Variants in IDE observed in about 807,000 individuals in gnomAD.
The protein encoded by IDE is insulin degrading enzyme.
IDE carries 58 observed loss-of-function variants against 133.2 expected under a neutral mutation model. That is an observed-to-expected ratio of 0.44 (90% CI 0.35 to 0.54). The LOEUF (loss-of-function observed/expected upper bound fraction) is 0.54. IDE is among the 20% of genes least tolerant of loss of function. The pLI, the probability that IDE is intolerant of heterozygous loss-of-function variation, is 0.00. For missense variants in IDE, 981 were observed against 1,234.0 expected (o/e 0.79, Z 3.07); for synonymous variants, 396 against 421.3 (o/e 0.94, Z 0.73).
rs887217867 is a variant in IDE at position 92,507,520 on chromosome 10, T to C, written c.1245+55A>G. On this transcript the variant is annotated intron_variant, in intron 9 of 24. Coordinates refer to ENST00000265986, the MANE Select transcript of IDE (RefSeq NM_004969.4). ...CCTTAAATTTAAATTAATTCACATG[T>C]ATTTGCTCTTGAAAAACAGATTCCT... The C allele has an allele frequency of 1.0e-5, 9 of 869,076 alleles. No individual in the cohort carries two copies. The African/African-American group carries it at 1.5e-4, about 14-fold the overall frequency. 53.8% of individuals were successfully genotyped at this position (869,076 alleles called of 1,614,324 possible).
intron 4 of IDE, among the ~76,000 whole-genome samples, chr10:92,516,453 C>T (rs117749002): frequency 0.027 from 4,145 of 152,240 alleles, 108 homozygotes; most frequent in Non-Finnish European, 0.043. Flanking sequence ...AAGATTGTAC[C>T]ACTGCACTCC....
intron 2 of IDE, 55 bp downstream of exon 2, chr10:92,537,311 T>C: frequency 1.5e-6 from 2 of 1,359,026 alleles, no homozygotes; most frequent in Non-Finnish European, 2.0e-6. Context: ...CTAATAAATG[T>C]CAGCATTAGG....
At chr10:92,478,581 T>A in intron 15 of IDE, 1 of 958,436 alleles carries the variant, frequency 1.0e-6, no homozygotes, top group Non-Finnish European at 1.3e-6. Context: ...GTTAATAGTT[T>A]TCCCAAGCTC....
Position 92,571,379 on chromosome 10 carries a change from T to A in IDE, c.98+2543A>T, listed in dbSNP as rs973672563. On this transcript the variant is annotated intron_variant, in intron 1 of 24. Transcript: ENST00000265986. ...GGTTAAAGAAACTTCAGGGGTACCC[T>A]GTTCTTTTACACTATTAAAAGGCAT... 5.9e-5 allele frequency among the ~76,000 whole-genome samples: 9 copies of A among 152,202 alleles called. No homozygotes were observed. In the East Asian group the frequency reaches 1.7e-3, roughly 29 times the overall value.
intron 18 of IDE, among the ~76,000 whole-genome samples, chr10:92,469,335 CT>C (rs1189481128): frequency 5.3e-5 from 8 of 152,220 alleles, no homozygotes; most frequent in African/African-American, 1.9e-4. Flanking sequence ...GTAAAATGAC[CT>C]TGGTAAGAAT....
intron 4 of IDE, 53 bp from the exon 5 acceptor site, chr10:92,515,095 A>C (rs565351490): frequency 7.0e-7 from 1 of 1,435,498 alleles, no homozygotes; most frequent in African/African-American, 1.4e-5. Flanking sequence ...GTGGACTTTT[A>C]AAGTTTTGTA....
At chr10:92,529,753 T>C (rs559817922) in intron 4 of IDE, among the ~76,000 whole-genome samples, 2 of 152,272 alleles carry the variant, frequency 1.3e-5, no homozygotes, top group South Asian at 2.1e-4. Context: ...GAAGTAACAC[T>C]ACTCACCTTA....
In IDE at chr10:92,454,445, CAG is replaced by C; in HGVS notation, c.3057_3058del (p.Ter1020LysfsTer20). ...CACTTTCCCATGCATGGGGAATCTT[CAG>C]AGTTTTGCAGCCATGAAGTTAATAT... On this transcript the variant is annotated frameshift_variant and stop_lost, in exon 25 of 25. Coordinates refer to ENST00000265986, the MANE Select transcript of IDE (RefSeq NM_004969.4). LOFTEE classifies it high-confidence loss of function. 3 of 1,606,472 alleles carry C rather than the reference CAG, an allele frequency of 1.9e-6. No homozygotes were observed. The highest frequency in any genetic ancestry group is 2.6e-6 in the Non-Finnish European group (3 of 1,172,950).
intron 1 of IDE, among the ~76,000 whole-genome samples, chr10:92,560,660 G>A (rs1263117980): frequency 2.0e-5 from 3 of 152,096 alleles, no homozygotes; most frequent in Non-Finnish European, 4.4e-5. Context: ...GTGCGCACCT[G>A]TAGTCTCAGC....
chr10:92,473,638 C>A (rs1464061947), intron 17 of IDE, among the ~76,000 whole-genome samples: 8 of 151,154 alleles, frequency 5.3e-5, no homozygotes, highest in Non-Finnish European at 1.2e-4. Context: ...AAAAAAAAAA[C>A]CTGAACATTG....
At chr10:92,478,285 G>T (rs1405591424) in intron 15 of IDE, among the ~76,000 whole-genome samples, 3 of 152,288 alleles carry the variant, frequency 2.0e-5, no homozygotes, top group East Asian at 3.9e-4. Flanking sequence ...AATAAAGGGT[G>T]CCTATTTATA....
chr10:92,456,339 A>G lies in IDE; in HGVS notation c.2896+20T>C. 1 of 1,589,162 alleles carries G rather than the reference A, an allele frequency of 6.3e-7. No individual in the cohort carries two copies. The highest frequency in any genetic ancestry group is 8.6e-7 in the Non-Finnish European group (1 of 1,157,202). On this transcript the variant is annotated intron_variant, in intron 23 of 24. Coordinates refer to ENST00000265986, the MANE Select transcript of IDE (RefSeq NM_004969.4). Reference sequence around the variant, plus strand: ...CAGATGGCTCAACATGAGCCTAAAAAGGCAACATTTGATACTTACAAGAAT... The same window carrying G: ...CAGATGGCTCAACATGAGCCTAAAAGGGCAACATTTGATACTTACAAGAAT...
intron 3 of IDE, 94 bp from the exon 4 acceptor site, chr10:92,532,011 T>A (rs1428713318): frequency 2.3e-6 from 2 of 886,766 alleles, no homozygotes; most frequent in Non-Finnish European, 3.2e-6. Context: ...ATAGGAAATG[T>A]AAATTTTGCA....
chr10:92,561,169 T>C (rs1451285577), intron 1 of IDE, among the ~76,000 whole-genome samples: 1 of 151,534 alleles, frequency 6.6e-6, no homozygotes, highest in Non-Finnish European at 1.5e-5. Flanking sequence ...GGCAGGAGAA[T>C]CACTTCAACC....
chr10:92,469,776 AGTACTTAGCAT>A (rs1386574623), intron 18 of IDE, among the ~76,000 whole-genome samples: 8 of 152,194 alleles, frequency 5.3e-5, no homozygotes, highest in Admixed American at 5.2e-4. Flanking sequence ...CCATGTGCTA[AGTACTTAGCAT>A]GTACTATTTA....
At chr10:92,532,024 A>G (rs1344742349) in intron 3 of IDE, 107 bp from the exon 4 acceptor site, 1 of 740,778 alleles carries the variant, frequency 1.3e-6, no homozygotes, top group Non-Finnish European at 2.0e-6. Flanking sequence ...ATTTTGCAGA[A>G]TCAGAAACAA....
chr10:92,569,858 C>T lies in IDE; in HGVS notation c.98+4064G>A, dbSNP rs137912284. Among the ~76,000 whole-genome samples, 193 of 152,230 alleles carry T rather than the reference C, an allele frequency of 1.3e-3. No homozygotes were observed. The East Asian group carries it at 0.026, about 21-fold the overall frequency. Reference sequence around the variant, plus strand: ...AGCGCAGTGGCTCACGCCTGTAATCCGAGCACTTTGGGAGGCCAAGGTGGG... The same window carrying T: ...AGCGCAGTGGCTCACGCCTGTAATCTGAGCACTTTGGGAGGCCAAGGTGGG... On this transcript the variant is annotated intron_variant, in intron 1 of 24. Transcript: ENST00000265986.
chr10:92,564,577 AG>A (rs1216753070), intron 1 of IDE, among the ~76,000 whole-genome samples: 1 of 145,684 alleles, frequency 6.9e-6, no homozygotes, highest in Non-Finnish European at 1.5e-5. Flanking sequence ...CAGGAGGCTG[AG>A]GCAGGAGAAT....
intron 15 of IDE, 62 bp downstream of exon 15, chr10:92,479,215 C>G: frequency 8.2e-7 from 1 of 1,221,364 alleles, no homozygotes; most frequent in Non-Finnish European, 1.1e-6. Context: ...TCAAAAAATG[C>G]TTCCATCAAA....
Sources: allele counts gnomAD v4.1 joint callset (sites outside exome capture counted in the v4.1 genomes callset), GRCh38; gene constraint gnomAD v4.1.1; transcripts MANE v1.5; gene names NCBI Gene and HGNC (gene_info 2026-07-23, HGNC 2026-07-21).